The following LRRC36 variants were observed in gnomAD, a reference collection of about 807,000 sequenced individuals.
The protein encoded by LRRC36 is leucine rich repeat containing 36.
Under a neutral mutation model 81.1 loss-of-function variants are expected in LRRC36, and 62 were observed. The ratio of observed to expected loss-of-function variants is 0.76; its 90% CI spans 0.62 to 0.94. The LOEUF is 0.94. Among genes scored for constraint, LRRC36 ranks in the 40% least tolerant of loss-of-function variants. The pLI is 0.00. For synonymous variants in LRRC36, 334 were observed against 348.6 expected, an observed-to-expected ratio of 0.96 and a Z score of 0.47; for missense variants, 761 against 881.7, an observed-to-expected ratio of 0.86 and a Z score of 1.73.
intron 5 of LRRC36, among the ~76,000 whole-genome samples, chr16:67,353,302 A>T (rs2038742179): frequency 6.6e-6 from 1 of 152,118 alleles, no homozygotes; most frequent in Admixed American, 6.6e-5. Context: ...TGCTACTCTG[A>T]GCTGAATGTT....
chr16:67,375,466 T>C, intron 10 of LRRC36, 54 bp downstream of exon 10: 1 of 1,475,916 alleles, frequency 6.8e-7, no homozygotes, highest in Non-Finnish European at 9.0e-7. Flanking sequence ...TCCTCTGCTC[T>C]GTGTTCTGCT....
At chr16:67,348,754 A>G (rs561337063) in intron 4 of LRRC36, among the ~76,000 whole-genome samples, 5 of 152,344 alleles carry the variant, frequency 3.3e-5, no homozygotes, top group African/African-American at 1.2e-4. Flanking sequence ...CCATGAGAAC[A>G]AGGATCTTGT....
intron 1 of LRRC36, among the ~76,000 whole-genome samples, chr16:67,340,045 G>A (rs1453947309): frequency 6.6e-6 from 1 of 152,110 alleles, no homozygotes; most frequent in Non-Finnish European, 1.5e-5. Flanking sequence ...GGGAGGCTGA[G>A]GCAGGAGAAT....
chr16:67,330,945 G>C (rs1597415002), intron 1 of LRRC36, among the ~76,000 whole-genome samples: 1 of 152,052 alleles, frequency 6.6e-6, no homozygotes, highest in East Asian at 1.9e-4. Context: ...AATTTATAAA[G>C]AACAGAAGTT....
Position 67,350,195 on chromosome 16 carries a change from G to A in LRRC36, c.489-7G>A. ...TTGAGTTGTAAATAAATTATTCTAT[G>A]TGGCAGCTCTAGGGAGAAGACAATG... On this transcript the variant is annotated splice_region_variant and splice_polypyrimidine_tract_variant and intron_variant, in intron 4 of 13. Transcript: ENST00000329956. The A allele has an allele frequency of 6.7e-7, 1 of 1,502,824 alleles. No homozygotes were observed. The highest frequency in any genetic ancestry group is 9.0e-7 in the Non-Finnish European group (1 of 1,106,350). 93.1% of individuals were successfully genotyped at this position (1,502,824 alleles called of 1,614,324 possible). A position where few individuals can be genotyped will look rare whatever the true frequency, so the allele number is the denominator to read the frequency against.
Position 67,370,924 on chromosome 16 carries a change from T to G in LRRC36, c.1196-20T>G. The G allele has an allele frequency of 6.2e-7, 1 of 1,602,424 alleles. No homozygotes were observed. The highest frequency in any genetic ancestry group is 1.1e-5 in the South Asian group (1 of 89,910). On this transcript the variant is annotated intron_variant, in intron 8 of 13. Transcript: ENST00000329956. The stretch of plus-strand genomic sequence containing the variant: ...GGCAGTCAGAGGGCAGGTTCATCTG[T>G]TAGCCTGTTTCCTCCACAGATCTGT...
At chr16:67,358,840 C>A (rs1377413972) in intron 5 of LRRC36, among the ~76,000 whole-genome samples, 1 of 152,078 alleles carries the variant, frequency 6.6e-6, no homozygotes, top group Non-Finnish European at 1.5e-5. Flanking sequence ...CAAGGAGATA[C>A]CACTTCACAT....
At chr16:67,350,830 C>T (rs1182260493) in intron 5 of LRRC36, among the ~76,000 whole-genome samples, 5 of 152,020 alleles carry the variant, frequency 3.3e-5, no homozygotes, top group South Asian at 2.1e-4. Flanking sequence ...CCTGAGGTTG[C>T]GAGTTTAAGA....
chr16:67,330,599 C>T (rs895882812), intron 1 of LRRC36, among the ~76,000 whole-genome samples: 13 of 152,094 alleles, frequency 8.5e-5, no homozygotes, highest in African/African-American at 2.9e-4. Context: ...TGGTCGTTCA[C>T]GCCTGTAATC....
At position 67,376,708 on chromosome 16, in the gene LRRC36, C is replaced by G. The variant is rs1450988296; in HGVS notation, c.1661-19C>G. The G allele has an allele frequency of 6.2e-7, 1 of 1,606,486 alleles. No individual in the cohort carries two copies. Among genetic ancestry groups the G allele is most frequent in the Admixed American group, 1.7e-5 (1 of 59,808 alleles). On this transcript the variant is annotated intron_variant, in intron 10 of 13. Transcript: ENST00000329956. The stretch of plus-strand genomic sequence containing the variant: ...AGCTTTTAAGATTGGCCTGTGTGCC[C>G]ATCCTGAATTTTTGGCAGGTCCTGC...
intron 9 of LRRC36, among the ~76,000 whole-genome samples, chr16:67,372,958 T>A (rs1019201023): frequency 2.6e-5 from 4 of 152,216 alleles, no homozygotes; most frequent in Non-Finnish European, 4.4e-5. Flanking sequence ...AACTGTGTGT[T>A]ACTGTATTCA....
chr16:67,347,027 A>G (rs1248380390), intron 3 of LRRC36, among the ~76,000 whole-genome samples: 1 of 152,110 alleles, frequency 6.6e-6, no homozygotes, highest in African/African-American at 2.4e-5. Context: ...GGCACGCACC[A>G]CCACACCCAG....
rs147221907 is a variant in LRRC36, at chr16:67,377,737, C to T, written c.1807-852C>T. ...GCAAGCTCCGCCTCCCGGGTTCAAG[C>T]GATTCTCCTGCCTCAGCCTCCCAAG... On this transcript the variant is annotated intron_variant, in intron 11 of 13. Transcript: ENST00000329956. Among the ~76,000 whole-genome samples, 282 of 150,752 alleles carry T rather than the reference C, an allele frequency of 1.9e-3. 1 individual carries two copies. Among genetic ancestry groups the T allele is most frequent in the African/African-American group, 6.5e-3 (268 of 40,958 alleles).
chr16:67,381,082 G>A (rs1389886929), intron 12 of LRRC36, among the ~76,000 whole-genome samples: 1 of 151,946 alleles, frequency 6.6e-6, no homozygotes, highest in Non-Finnish European at 1.5e-5. Context: ...AAATTAGCAG[G>A]GCGTGGTGGC....
At chr16:67,344,696 A>G (rs949110023) in intron 2 of LRRC36, among the ~76,000 whole-genome samples, 3 of 152,178 alleles carry the variant, frequency 2.0e-5, no homozygotes, top group Non-Finnish European at 2.9e-5. Context: ...ACTGATAGCT[A>G]TTCCTCACCA....
chr16:67,338,415 A>T (rs1001524380), intron 1 of LRRC36, among the ~76,000 whole-genome samples: 9 of 152,288 alleles, frequency 5.9e-5, no homozygotes, highest in Admixed American at 4.6e-4. Context: ...AATATGTGAA[A>T]AAGTCTGGCC....
intron 12 of LRRC36, among the ~76,000 whole-genome samples, chr16:67,381,389 T>A (rs1384908002): frequency 6.6e-6 from 1 of 152,174 alleles, no homozygotes; most frequent in Non-Finnish European, 1.5e-5. Context: ...TCTACAAGTA[T>A]TAATTGAGTT....
intron 1 of LRRC36, among the ~76,000 whole-genome samples, chr16:67,341,027 T>A (rs1170364027): frequency 8.3e-6 from 1 of 120,668 alleles, no homozygotes; most frequent in Admixed American, 7.8e-5. Flanking sequence ...GAATATGTAC[T>A]CTACATATTC....
intron 5 of LRRC36, among the ~76,000 whole-genome samples, chr16:67,354,581 A>AATCTGATTT (rs2038813197): frequency 1.3e-5 from 2 of 152,266 alleles, no homozygotes; most frequent in Non-Finnish European, 2.9e-5. Context: ...CCTGGCCAAT[A>AATCTGATTT]ATCTGATTTT....
Sources: allele counts gnomAD v4.1 joint callset (sites outside exome capture counted in the v4.1 genomes callset), GRCh38; gene constraint gnomAD v4.1.1; transcripts MANE v1.5; gene names NCBI Gene and HGNC (gene_info 2026-07-23, HGNC 2026-07-21).